The following CDKAL1 variants were observed in gnomAD, a reference collection of about 807,000 sequenced individuals.
CDKAL1 encodes CDKAL1 threonylcarbamoyladenosine tRNA methylthiotransferase, also known as threonylcarbamoyladenosine tRNA methylthiotransferase.
Under a neutral mutation model 68.2 loss-of-function variants are expected in CDKAL1, and 32 were observed. That is an observed-to-expected ratio of 0.47 (90% CI 0.35 to 0.63). The LOEUF is 0.63. Among genes scored for constraint, CDKAL1 ranks in the 30% least tolerant of loss-of-function variants. The pLI, the probability that CDKAL1 is intolerant of heterozygous loss-of-function variation, is 0.00. For synonymous variants in CDKAL1, 234 were observed against 244.3 expected (o/e 0.96, Z 0.39); for missense variants, 606 against 696.7 (o/e 0.87, Z 1.47).
intron 4 of CDKAL1, among the ~76,000 whole-genome samples, chr6:20,612,388 C>T (rs1306900092): frequency 6.6e-6 from 1 of 152,088 alleles, no homozygotes; most frequent in African/African-American, 2.4e-5. Context: ...CAAGAGTTCC[C>T]TTTTCTCTGC....
intron 5 of CDKAL1, among the ~76,000 whole-genome samples, chr6:20,650,023 A>AC (rs1768678607): frequency 6.6e-6 from 1 of 152,224 alleles, no homozygotes; most frequent in Non-Finnish European, 1.5e-5. Flanking sequence ...TGCAATGAAC[A>AC]TATGTGTGCA....
rs781485305 is a variant in CDKAL1 at position 20,781,282 on chromosome 6, C to A, written c.638+17C>A. On this transcript the variant is annotated intron_variant, in intron 8 of 15. Coordinates refer to ENST00000274695, the MANE Select transcript of CDKAL1 (RefSeq NM_017774.3). The stretch of plus-strand genomic sequence containing the variant: ...CAATACCGGGTAAGCATCTCTCAAA[C>A]TTGCTCATAAAATATTCAATATATT... The A allele has an allele frequency of 6.3e-7, 1 of 1,594,652 alleles. No individual in the cohort carries two copies. The highest frequency in any genetic ancestry group is 8.5e-7 in the Non-Finnish European group (1 of 1,171,412).
intron 5 of CDKAL1, among the ~76,000 whole-genome samples, chr6:20,722,826 T>C (rs9368226): frequency 0.29 from 43,388 of 151,684 alleles, 7,528 homozygotes; most frequent in African/African-American, 0.48. Flanking sequence ...CCAGACTCAG[T>C]TGGGAGAGAG....
intron 13 of CDKAL1, among the ~76,000 whole-genome samples, chr6:21,190,492 C>T (rs575927098): frequency 1.3e-5 from 2 of 152,128 alleles, no homozygotes; most frequent in African/African-American, 4.8e-5. Context: ...CTCAGCCTCC[C>T]GAGTAGCTGG....
chr6:20,691,703 A>T (rs189496174), intron 5 of CDKAL1, among the ~76,000 whole-genome samples: 3 of 152,200 alleles, frequency 2.0e-5, no homozygotes, highest in Admixed American at 2.0e-4. Flanking sequence ...GAGGACTCCA[A>T]AGCATTGTGA....
At chr6:21,123,454 T>TCAAAA (rs1035298196) in intron 13 of CDKAL1, among the ~76,000 whole-genome samples, 1 of 152,054 alleles carries the variant, frequency 6.6e-6, no homozygotes, top group Non-Finnish European at 1.5e-5. Flanking sequence ...AAACTCCATC[T>TCAAAA]CAAAACAAAA....
chr6:20,572,603 T>C (rs80270911), intron 4 of CDKAL1, among the ~76,000 whole-genome samples: 2,196 of 152,296 alleles, frequency 0.014, 63 homozygotes, highest in African/African-American at 0.05. Context: ...ATTTATCATA[T>C]GTATTGGGTC....
At chr6:20,931,806 AG>A (rs1422364155) in intron 9 of CDKAL1, among the ~76,000 whole-genome samples, 8 of 152,218 alleles carry the variant, frequency 5.3e-5, no homozygotes, top group African/African-American at 1.9e-4. Flanking sequence ...CTTACCCGAA[AG>A]AACCTGAAAA....
chr6:20,923,639 T>C (rs1003013159), intron 9 of CDKAL1, among the ~76,000 whole-genome samples: 73 of 152,210 alleles, frequency 4.8e-4, no homozygotes, highest in Non-Finnish European at 8.5e-4. Context: ...CACAACAATA[T>C]TGACATTGAC....
intron 9 of CDKAL1, among the ~76,000 whole-genome samples, chr6:20,929,225 C>A (rs1417760293): frequency 1.3e-5 from 2 of 152,196 alleles, no homozygotes; most frequent in African/African-American, 2.4e-5. Context: ...GCACATGGTG[C>A]CAAGAGATGA....
intron 6 of CDKAL1, among the ~76,000 whole-genome samples, chr6:20,743,309 T>G (rs1347707091): frequency 6.6e-6 from 1 of 152,262 alleles, no homozygotes; most frequent in East Asian, 1.9e-4. Flanking sequence ...CTGTGTCACC[T>G]TACAGTACAG....
At chr6:20,842,574 G>A (rs1192575825) in intron 8 of CDKAL1, among the ~76,000 whole-genome samples, 3 of 152,238 alleles carry the variant, frequency 2.0e-5, no homozygotes, top group African/African-American at 7.2e-5. Context: ...GCTCACGCCT[G>A]TAATCCCAGC....
intron 5 of CDKAL1, among the ~76,000 whole-genome samples, chr6:20,657,318 C>G (rs1769071383): frequency 6.6e-6 from 1 of 152,156 alleles, no homozygotes; most frequent in Non-Finnish European, 1.5e-5. Flanking sequence ...TGTTGCTTCT[C>G]CTTCTGTTGC....
intron 13 of CDKAL1, among the ~76,000 whole-genome samples, chr6:21,131,521 A>T (rs1775319057): frequency 6.6e-6 from 1 of 152,210 alleles, no homozygotes; most frequent in Admixed American, 6.5e-5. Context: ...TTATGTATAT[A>T]ACAGAAAAGT....
chr6:21,230,057 A>G (rs1403631111), intron 15 of CDKAL1, among the ~76,000 whole-genome samples: 1 of 152,180 alleles, frequency 6.6e-6, no homozygotes, highest in Non-Finnish European at 1.5e-5. Flanking sequence ...GTGTGGGGTT[A>G]TGTGGGGTGG....
intron 8 of CDKAL1, among the ~76,000 whole-genome samples, chr6:20,803,720 G>A (rs1776459512): frequency 6.6e-6 from 1 of 152,104 alleles, no homozygotes; most frequent in Non-Finnish European, 1.5e-5. Flanking sequence ...GGCTCTAGTT[G>A]GGGAGAATCA....
At chr6:21,114,753 G>T (rs888526088) in intron 13 of CDKAL1, among the ~76,000 whole-genome samples, 24 of 152,104 alleles carry the variant, frequency 1.6e-4, no homozygotes, top group African/African-American at 5.8e-4. Context: ...AAAGAAAAAA[G>T]AAAAGAAAAG....
At chr6:20,603,540 G>A (rs1766196883) in intron 4 of CDKAL1, among the ~76,000 whole-genome samples, 1 of 152,140 alleles carries the variant, frequency 6.6e-6, no homozygotes, top group Admixed American at 6.5e-5. Context: ...GAGTGAAGAA[G>A]AAAATTTGAG....
chr6:21,050,014 T>G (rs973413560), intron 11 of CDKAL1, among the ~76,000 whole-genome samples: 1 of 152,218 alleles, frequency 6.6e-6, no homozygotes, highest in African/African-American at 2.4e-5. Flanking sequence ...CCTTTACTTA[T>G]GTCATACATT....
Sources: gnomAD v4.1 joint callset for allele counts (sites outside exome capture counted in the v4.1 genomes callset) on GRCh38, gnomAD v4.1.1 for gene constraint, MANE v1.5 for transcripts, NCBI Gene and HGNC (gene_info 2026-07-23, HGNC 2026-07-21) for gene names.